The following WDPCP variants were observed in gnomAD, a reference collection of about 807,000 sequenced individuals.
WDPCP encodes WD repeat-containing and planar cell polarity effector protein fritz homolog.
A neutral mutation model predicts 93.1 loss-of-function variants in WDPCP; 71 were observed. The ratio of observed to expected loss-of-function variants is 0.76; its 90% CI spans 0.63 to 0.93. WDPCP has a LOEUF of 0.93. Among genes scored for constraint, WDPCP ranks in the 40% least tolerant of loss-of-function variants. The probability of loss-of-function intolerance (pLI) is 0.00; values close to 1 mark genes in which losing one functional copy is unlikely to be tolerated. For synonymous variants in WDPCP, 315 were observed against 315.0 expected (o/e 1.00, Z 0.00); for missense variants, 844 against 887.4 (o/e 0.95, Z 0.62).
upstream of WDPCP, chr2:63,589,073 C>T (rs775228839): frequency 6.2e-7 from 1 of 1,614,106 alleles, no homozygotes; most frequent in Non-Finnish European, 8.5e-7. Flanking sequence ...GGTTCCTGCC[C>T]ACCTCTGGCC....
intron 17 of WDPCP, among the ~76,000 whole-genome samples, chr2:63,131,008 ACC>A (rs1670256539): frequency 6.6e-6 from 1 of 152,066 alleles, no homozygotes; most frequent in Non-Finnish European, 1.5e-5. Flanking sequence ...CATTATAGGT[ACC>A]CCTGCTCTCC....
At chr2:63,618,192 GAGA>G (rs1272390507) in intron 3 of WDPCP, among the ~76,000 whole-genome samples, 1 of 152,164 alleles carries the variant, frequency 6.6e-6, no homozygotes, top group Non-Finnish European at 1.5e-5. Flanking sequence ...ACGCCCTGTT[GAGA>G]AGAAGATTCC....
chr2:63,526,234 T>C (rs1703330443), intron 1 of WDPCP, among the ~76,000 whole-genome samples: 1 of 152,162 alleles, frequency 6.6e-6, no homozygotes, highest in African/African-American at 2.4e-5. Flanking sequence ...GTACAGTTGT[T>C]TTTTCTTGTG....
At chr2:63,469,014 C>T (rs1463398931) in intron 6 of WDPCP, among the ~76,000 whole-genome samples, 1 of 151,702 alleles carries the variant, frequency 6.6e-6, no homozygotes, top group African/African-American at 2.4e-5. Flanking sequence ...AAAAAAAAGC[C>T]CATTAAAAAG....
At chr2:63,387,256 C>T (rs187808999) in intron 10 of WDPCP, among the ~76,000 whole-genome samples, 1 of 152,098 alleles carries the variant, frequency 6.6e-6, no homozygotes, top group African/African-American at 2.4e-5. Flanking sequence ...AAATGAAATC[C>T]AGCAGCACAT....
intron 1 of WDPCP, among the ~76,000 whole-genome samples, chr2:63,816,699 C>T (rs1030672574): frequency 2.6e-5 from 4 of 152,174 alleles, no homozygotes; most frequent in Admixed American, 2.0e-4. Context: ...TAAGCCACCA[C>T]GTTTGTAGTC....
chr2:63,610,306 CT>C (rs1709601014), intron 3 of WDPCP, among the ~76,000 whole-genome samples: 5 of 152,174 alleles, frequency 3.3e-5, no homozygotes, highest in African/African-American at 4.8e-5. Context: ...AAACCTAAAC[CT>C]TAAGGGAATA....
intron 1 of WDPCP, among the ~76,000 whole-genome samples, chr2:63,825,504 GCT>G (rs1671099421): frequency 6.6e-6 from 1 of 151,858 alleles, no homozygotes; most frequent in African/African-American, 2.4e-5. Flanking sequence ...GGGATCAGCT[GCT>G]CTCTCTTTCT....
intron 6 of WDPCP, among the ~76,000 whole-genome samples, chr2:63,444,018 C>T (rs1697671796): frequency 6.6e-6 from 1 of 152,032 alleles, no homozygotes; most frequent in Admixed American, 6.6e-5. Context: ...TGTGTCTGAA[C>T]TTCATGGGGG....
chr2:63,370,057 T>C (rs1558530397), intron 12 of WDPCP, among the ~76,000 whole-genome samples: 1 of 152,170 alleles, frequency 6.6e-6, no homozygotes, highest in South Asian at 2.1e-4. Context: ...ACAAAATTTG[T>C]TCATATAATG....
intron 2 of WDPCP, among the ~76,000 whole-genome samples, chr2:63,725,330 G>T (rs1183377986): frequency 6.6e-6 from 1 of 152,108 alleles, no homozygotes; most frequent in Non-Finnish European, 1.5e-5. Context: ...ATTTGCTTAG[G>T]ATAATGGCCT....
At chr2:63,234,229 C>T (rs1257211717) in intron 14 of WDPCP, among the ~76,000 whole-genome samples, 1 of 152,138 alleles carries the variant, frequency 6.6e-6, no homozygotes, top group African/African-American at 2.4e-5. Flanking sequence ...GCCTGAGTTT[C>T]ATCGAAAAGA....
chr2:63,551,271 A>T (rs372519251), intron 1 of WDPCP, among the ~76,000 whole-genome samples: 1 of 152,182 alleles, frequency 6.6e-6, no homozygotes, highest in Non-Finnish European at 1.5e-5. Context: ...ACTGTAATAT[A>T]GTTTGGATTG....
At chr2:63,156,556 TA>T (rs559668496) in intron 15 of WDPCP, among the ~76,000 whole-genome samples, 3,125 of 151,840 alleles carry the variant, frequency 0.021, 46 homozygotes, top group Non-Finnish European at 0.031. Context: ...GCCAACATGG[TA>T]AAACCCCATC....
At chr2:63,474,354 A>T (rs978088013) in intron 6 of WDPCP, among the ~76,000 whole-genome samples, 3 of 152,098 alleles carry the variant, frequency 2.0e-5, no homozygotes, top group African/African-American at 4.8e-5. Context: ...GTTCTGCACT[A>T]ATTGGCAGAC....
chr2:63,588,085 G>C (rs1708995964), intron 1 of WDPCP, 112 bp downstream of exon 1: 1 of 1,303,476 alleles, frequency 7.7e-7, no homozygotes, highest in Admixed American at 2.0e-5. Context: ...AAAGGGACCG[G>C]CGAGCTTGCA....
intron 17 of WDPCP, among the ~76,000 whole-genome samples, chr2:63,141,204 G>A (rs559141688): frequency 3.9e-5 from 6 of 151,932 alleles, no homozygotes; most frequent in Non-Finnish European, 8.8e-5. Flanking sequence ...TCAGCCTCCC[G>A]AGTAGTTGGG....
chr2:63,799,920 T>C (rs764155352), intron 2 of WDPCP, among the ~76,000 whole-genome samples: 5 of 152,138 alleles, frequency 3.3e-5, no homozygotes, highest in South Asian at 2.1e-4. Context: ...CCTTCCTCCA[T>C]TGTGGGGGAT....
chr2:63,273,826 C>CACACAT (rs1491201949), intron 13 of WDPCP, among the ~76,000 whole-genome samples: 6 of 16,038 alleles, frequency 3.7e-4, no homozygotes, highest in South Asian at 3.7e-3. Context: ...CACACACACA[C>CACACAT]GCACACACAC....
Sources: allele counts gnomAD v4.1 joint callset (sites outside exome capture counted in the v4.1 genomes callset), GRCh38; gene constraint gnomAD v4.1.1; transcripts MANE v1.5; gene names NCBI Gene and HGNC (gene_info 2026-07-23, HGNC 2026-07-21).